TAS2R1: variants seen among roughly 807,000 people sequenced by gnomAD.
The protein encoded by TAS2R1 is taste 2 receptor member 1, also known as taste receptor type 2 member 1.
For missense variants in TAS2R1, 370 were observed against 353.4 expected (o/e 1.05, Z -0.38); for synonymous variants, 141 against 134.2 (o/e 1.05, Z -0.35).
chr5:9,707,607 C>T (rs556323433), intron 1 of TAS2R1, among the ~76,000 whole-genome samples: 2 of 152,188 alleles, frequency 1.3e-5, no homozygotes, highest in Admixed American at 6.5e-5. Context: ...CGCTTGAACC[C>T]GGGAAGCAGA....
At chr5:9,886,204 T>C in the TAS2R1 span, among the ~76,000 whole-genome samples, 1 of 152,066 alleles carries the variant, frequency 6.6e-6, no homozygotes, top group Admixed American at 6.5e-5. Flanking sequence ...GCTAATTTTT[T>C]GTATTTTAGT....
chr5:9,712,858 G>C (rs1197661988), upstream of TAS2R1, among the ~76,000 whole-genome samples: 2 of 150,574 alleles, frequency 1.3e-5, no homozygotes, highest in African/African-American at 2.4e-5. Flanking sequence ...CAAAGATACA[G>C]AACAAGTGGG....
At chr5:9,836,885 T>C in the TAS2R1 span, among the ~76,000 whole-genome samples, 1 of 152,144 alleles carries the variant, frequency 6.6e-6, no homozygotes, top group East Asian at 1.9e-4. Context: ...TGCATGAGGA[T>C]CTAATGATGT....
At chr5:9,812,523 G>A in the TAS2R1 span, among the ~76,000 whole-genome samples, 1 of 152,012 alleles carries the variant, frequency 6.6e-6, no homozygotes, top group Non-Finnish European at 1.5e-5. Context: ...CAAAGTCACA[G>A]ATGAGAATGA....
intron 2 of TAS2R1, chr5:9,645,502 C>T (rs570479110): frequency 6.6e-6 from 1 of 152,296 alleles, no homozygotes; most frequent in African/African-American, 2.4e-5. Context: ...TGTCCCCTTG[C>T]CTTTACCCTG....
chr5:9,688,193 T>C (rs1367434634), intron 1 of TAS2R1, among the ~76,000 whole-genome samples: 4 of 152,210 alleles, frequency 2.6e-5, no homozygotes, highest in African/African-American at 9.7e-5. Flanking sequence ...CGATTTGACA[T>C]AGTGTGTCTA....
the TAS2R1 span, among the ~76,000 whole-genome samples, chr5:9,769,323 A>G: frequency 6.6e-6 from 1 of 152,124 alleles, no homozygotes; most frequent in Admixed American, 6.5e-5. Context: ...TAATCTGTTG[A>G]TGGAAACAGG....
At chr5:9,696,541 G>T (rs34711052) in intron 1 of TAS2R1, among the ~76,000 whole-genome samples, 30,419 of 151,794 alleles carry the variant, frequency 0.2, 3,632 homozygotes, top group Middle Eastern at 0.27. Flanking sequence ...TAGCCTGGGT[G>T]ACAGAGCGAG....
At chr5:9,636,367 A>G (rs1739964463) in intron 2 of TAS2R1, among the ~76,000 whole-genome samples, 1 of 152,118 alleles carries the variant, frequency 6.6e-6, no homozygotes, top group South Asian at 2.1e-4. Flanking sequence ...CATATGGTCT[A>G]TATTGGAGAA....
the TAS2R1 span, chr5:9,765,467 A>G: frequency 1.3e-5 from 2 of 151,730 alleles, no homozygotes; most frequent in South Asian, 4.2e-4. Flanking sequence ...ATCTGTATAC[A>G]TACATTGGAA....
At chr5:9,900,227 T>G in the TAS2R1 span, among the ~76,000 whole-genome samples, 1 of 152,216 alleles carries the variant, frequency 6.6e-6, no homozygotes, top group Non-Finnish European at 1.5e-5. Context: ...ATTATAATGA[T>G]AATGAGGCCA....
intron 1 of TAS2R1, among the ~76,000 whole-genome samples, chr5:9,698,219 G>A (rs1741399738): frequency 6.6e-6 from 1 of 152,156 alleles, no homozygotes; most frequent in Non-Finnish European, 1.5e-5. Context: ...ATTTTCCTCA[G>A]TGAATATGTA....
At chr5:9,712,210 G>A (rs754479821), upstream of TAS2R1, 1 of 152,082 alleles carries the variant, frequency 6.6e-6, no homozygotes, top group African/African-American at 2.4e-5. Flanking sequence ...TATTATCCCA[G>A]GTCTACAGGG....
chr5:9,711,874 C>T (rs978185698), intron 1 of TAS2R1, among the ~76,000 whole-genome samples: 1 of 151,592 alleles, frequency 6.6e-6, no homozygotes, highest in Non-Finnish European at 1.5e-5. Flanking sequence ...TCATGTTGGC[C>T]AGGCTGGTCT....
chr5:9,886,220 C>T, the TAS2R1 span, among the ~76,000 whole-genome samples: 4 of 151,598 alleles, frequency 2.6e-5, no homozygotes, highest in South Asian at 2.1e-4. Context: ...TTAGTAGAGA[C>T]GGGGTTTCAC....
the TAS2R1 span, among the ~76,000 whole-genome samples, chr5:9,730,120 T>C: frequency 3.9e-5 from 6 of 152,230 alleles, no homozygotes; most frequent in South Asian, 2.1e-4. Flanking sequence ...ATTGCATTCT[T>C]ATGCATATAT....
chr5:9,729,583 TA>T, the TAS2R1 span, among the ~76,000 whole-genome samples: 2 of 152,314 alleles, frequency 1.3e-5, no homozygotes, highest in African/African-American at 4.8e-5. Context: ...CCCTTTTTTT[TA>T]AATATACTTT....
chr5:9,740,739 A>T, the TAS2R1 span, among the ~76,000 whole-genome samples: 2 of 152,190 alleles, frequency 1.3e-5, no homozygotes, highest in Non-Finnish European at 1.5e-5. Context: ...AACCTGTCAA[A>T]ACCTTTGAGC....
At chr5:9,837,530 C>T in the TAS2R1 span, among the ~76,000 whole-genome samples, 2 of 152,218 alleles carry the variant, frequency 1.3e-5, no homozygotes, top group Non-Finnish European at 2.9e-5. Flanking sequence ...TTTGCCTCTG[C>T]TGGTCAGAAT....
Sources: gnomAD v4.1 joint callset for allele counts (sites outside exome capture counted in the v4.1 genomes callset) on GRCh38, gnomAD v4.1.1 for gene constraint, MANE v1.5 for transcripts, NCBI Gene and HGNC (gene_info 2026-07-23, HGNC 2026-07-21) for gene names.